Variants in OSMR observed in about 807,000 individuals in gnomAD.
OSMR encodes the protein oncostatin-M-specific receptor subunit beta.
In OSMR, 81 loss-of-function variants were observed where a neutral mutation model predicts 99.9. The ratio of observed to expected loss-of-function variants is 0.81; its 90% CI spans 0.68 to 0.97. The LOEUF is 0.97. OSMR is among the 50% of genes least tolerant of loss of function. The pLI is 0.00. For synonymous variants in OSMR, 406 were observed against 410.4 expected (o/e 0.99, Z 0.13); for missense variants, 1,099 against 1,153.4 (o/e 0.95, Z 0.68).
At chr5:38,865,740 T>C (rs1296615866) in intron 1 of OSMR, among the ~76,000 whole-genome samples, 1 of 151,716 alleles carries the variant, frequency 6.6e-6, no homozygotes, top group Admixed American at 6.5e-5. Context: ...GGCCTCCATG[T>C]GGCTTGCTTG....
intron 2 of OSMR, among the ~76,000 whole-genome samples, chr5:38,871,406 C>G (rs1742380943): frequency 6.6e-6 from 1 of 152,220 alleles, no homozygotes; most frequent in Non-Finnish European, 1.5e-5. Context: ...GGTAATTAAT[C>G]CTGTCTTTGC....
chr5:38,932,413 C>G (rs372052638), intron 16 of OSMR, 50 bp from the exon 17 acceptor site: 15 of 1,355,786 alleles, frequency 1.1e-5, no homozygotes, highest in Non-Finnish European at 1.5e-5. Context: ...TTGCTCTTAA[C>G]TCGTCCACTG....
chr5:38,932,428 G>A, intron 16 of OSMR, 35 bp from the exon 17 acceptor site: 1 of 1,518,084 alleles, frequency 6.6e-7, no homozygotes, highest in Non-Finnish European at 9.2e-7. Context: ...CCACTGTACT[G>A]TGAAATTCAG....
downstream of OSMR, chr5:38,938,844 T>TA: frequency 4.3e-6 from 1 of 233,132 alleles, no homozygotes; most frequent in Non-Finnish European, 8.5e-6. Flanking sequence ...CTTCCTAACT[T>TA]ACATTTTGGA....
intron 16 of OSMR, 149 bp from the exon 17 acceptor site, chr5:38,932,314 A>G (rs938001967): frequency 2.9e-6 from 2 of 693,038 alleles, no homozygotes; most frequent in South Asian, 1.7e-5. Flanking sequence ...CCATTTAGCC[A>G]TAAGAAATTA....
chr5:38,908,531 CTG>C (rs1303226200), intron 9 of OSMR, among the ~76,000 whole-genome samples: 1 of 152,194 alleles, frequency 6.6e-6, no homozygotes, highest in African/African-American at 2.4e-5. Context: ...GGCCAGCAGA[CTG>C]AGATCAGTTC....
At chr5:38,880,726 C>T (rs1276752949) in intron 3 of OSMR, among the ~76,000 whole-genome samples, 15 of 152,098 alleles carry the variant, frequency 9.9e-5, no homozygotes, top group Non-Finnish European at 2.9e-5. Flanking sequence ...GGGGGAGGTG[C>T]TATGTTTGGA....
intron 2 of OSMR, chr5:38,944,635 A>G: frequency 7.2e-7 from 1 of 1,382,992 alleles, no homozygotes; most frequent in Non-Finnish European, 9.9e-7. Flanking sequence ...AAACTCATGA[A>G]ATTTATTTTT....
At position 38,924,416 on chromosome 5, in the gene OSMR, T is replaced by C; in HGVS notation, c.1871-6T>C. The C allele has an allele frequency of 6.2e-7, 1 of 1,614,146 alleles. No individual in the cohort carries two copies. Among genetic ancestry groups the C allele is most frequent in the South Asian group, 1.1e-5 (1 of 91,066 alleles). On this transcript the variant is annotated splice_region_variant and splice_polypyrimidine_tract_variant and intron_variant, in intron 13 of 17. Transcript: ENST00000274276. ...ACTTTTCTCTTATCCCAACTTCTTTTCCTAGCTCCTTCAGACAACCCTCAC... is the reference window on the plus strand; with the variant it reads ...ACTTTTCTCTTATCCCAACTTCTTTCCCTAGCTCCTTCAGACAACCCTCAC...
downstream of OSMR, chr5:38,938,713 T>C (rs1293457288): frequency 8.6e-6 from 2 of 232,666 alleles, no homozygotes; most frequent in Non-Finnish European, 1.7e-5. Context: ...GATTTCAGTG[T>C]TCTTTGATAA....
chr5:38,856,751 C>T (rs1264989087), intron 1 of OSMR, among the ~76,000 whole-genome samples: 1 of 152,144 alleles, frequency 6.6e-6, no homozygotes, highest in East Asian at 1.9e-4. Flanking sequence ...AAGGGATCCA[C>T]CTGACTCAGC....
At chr5:38,897,273 G>A (rs2112492726) in intron 7 of OSMR, among the ~76,000 whole-genome samples, 1 of 152,190 alleles carries the variant, frequency 6.6e-6, no homozygotes, top group Admixed American at 6.5e-5. Context: ...AAGCCACTGG[G>A]TCCCAGGCTT....
intron 7 of OSMR, among the ~76,000 whole-genome samples, chr5:38,899,489 C>G (rs1332654641): frequency 6.6e-6 from 1 of 152,144 alleles, no homozygotes; most frequent in African/African-American, 2.4e-5. Flanking sequence ...CAGAGGGTGT[C>G]TCTCACTGTA....
chr5:38,920,115 G>A (rs1256003624), intron 11 of OSMR, among the ~76,000 whole-genome samples: 41 of 152,166 alleles, frequency 2.7e-4, no homozygotes, highest in Non-Finnish European at 1.5e-4. Flanking sequence ...GGAGAGACCA[G>A]TTCAAAGCAA....
At chr5:38,890,597 C>G (rs1351450589) in intron 7 of OSMR, among the ~76,000 whole-genome samples, 2 of 142,834 alleles carry the variant, frequency 1.4e-5, no homozygotes, top group East Asian at 4.6e-4. Flanking sequence ...ATTTGAAAGC[C>G]CCCTCTTTTT....
intron 2 of OSMR, among the ~76,000 whole-genome samples, chr5:38,873,263 C>T (rs1742533152): frequency 6.6e-6 from 1 of 152,196 alleles, no homozygotes; most frequent in Non-Finnish European, 1.5e-5. Context: ...TAGCATGTAT[C>T]AGTATTCAGT....
intron 11 of OSMR, chr5:38,919,511 C>T (rs1746125122): frequency 5.0e-6 from 2 of 402,598 alleles, no homozygotes; most frequent in African/African-American, 2.1e-5. Context: ...TCAACTTTCA[C>T]CACAGACTCT....
chr5:38,868,473 C>T (rs771042018), intron 1 of OSMR, among the ~76,000 whole-genome samples: 1 of 152,108 alleles, frequency 6.6e-6, no homozygotes, highest in East Asian at 1.9e-4. Flanking sequence ...ATCATCAGGG[C>T]CGGTCTTTTC....
At chr5:38,942,020 T>C (rs2112774536) in intron 1 of OSMR, 1 of 308,130 alleles carries the variant, frequency 3.2e-6, no homozygotes, top group Non-Finnish European at 5.9e-6. Context: ...AGAAAACCTA[T>C]GTAGGTATTC....
Sources: gnomAD v4.1 joint callset for allele counts (sites outside exome capture counted in the v4.1 genomes callset) on GRCh38, gnomAD v4.1.1 for gene constraint, MANE v1.5 for transcripts, NCBI Gene and HGNC (gene_info 2026-07-23, HGNC 2026-07-21) for gene names.